The following DNAJA2 variants were observed in gnomAD, a reference collection of about 807,000 sequenced individuals.
The protein encoded by DNAJA2 is dnaJ homolog subfamily A member 2.
A neutral mutation model predicts 49.3 loss-of-function variants in DNAJA2; 6 were observed. That is an observed-to-expected ratio of 0.12 (90% confidence interval 0.07 to 0.24). The LOEUF is 0.24. Ranked by LOEUF, DNAJA2 falls within the 10% of genes least tolerant of loss-of-function variation. DNAJA2 has a pLI of 1.00. For synonymous variants in DNAJA2, 160 were observed against 172.7 expected, an observed-to-expected ratio of 0.93 and a Z score of 0.58; for missense variants, 347 against 516.8, an observed-to-expected ratio of 0.67 and a Z score of 3.19.
At position 46,971,879 on chromosome 16, in the gene DNAJA2, A is replaced by C. The variant is rs2305399; in HGVS notation, c.138+17T>G. ...AAAGCTAAAACCCCCGGAATAAAAA[A>C]GGTGCAAATAACTTACTTTGTCTCC... On this transcript the variant is annotated intron_variant, in intron 2 of 8. Coordinates refer to ENST00000317089, the MANE Select transcript of DNAJA2 (RefSeq NM_005880.4). 703 of 1,601,286 alleles carry C rather than the reference A, an allele frequency of 4.4e-4. 6 individuals carry two copies. The East Asian group carries it at 0.013, about 30-fold the overall frequency.
In DNAJA2 at chr16:46,959,042, C is replaced by G. The variant is rs891852246; in HGVS notation, c.1008G>C (p.Gln336His). 2 of 1,611,204 alleles carry G rather than the reference C, an allele frequency of 1.2e-6. No individual in the cohort carries two copies. The highest frequency in any genetic ancestry group is 2.2e-5 in the South Asian group (2 of 90,482). Residue 336 changes from glutamine (Q) to histidine (H), a missense_variant, in exon 8 of 9, where the codon CAG becomes CAC. Gln to His is a conservative substitution (Grantham distance 24). Coordinates refer to ENST00000317089, the MANE Select transcript of DNAJA2 (RefSeq NM_005880.4). ...GGTTGATCCAGTTGTTTTCAGGAAA[C>G]TGCACATCAAACTTTATGTAAAGAT... ...KGDLYIKFDV[Q>H]FPENNWINPD... is the part of the protein sequence containing the mutation.
In DNAJA2 at chr16:46,959,030, G is replaced by A. The variant is rs148745889; in HGVS notation, c.1020C>T (p.Asn340=). 23 of 1,607,418 alleles carry A rather than the reference G, an allele frequency of 1.4e-5. No homozygotes were observed. The highest frequency in any genetic ancestry group is 1.1e-4 in the African/African-American group (8 of 74,496). The change falls in exon 8 of 9, where the codon AAC becomes AAT. Residue 340 remains asparagine (N), a synonymous_variant. Coordinates refer to ENST00000317089, the MANE Select transcript of DNAJA2 (RefSeq NM_005880.4). ...AAAGCTTGTCTGGGTTGATCCAGTT[G>A]TTTTCAGGAAACTGCACATCAAACT... is the stretch of plus-strand genomic sequence containing the variant. ...YIKFDVQFPE[N]NWINPDKLSE... is the part of the protein sequence containing the mutation.
At chr16:46,961,897 G>T (rs1454856843) in intron 6 of DNAJA2, among the ~76,000 whole-genome samples, 1 of 151,820 alleles carries the variant, frequency 6.6e-6, no homozygotes, top group Non-Finnish European at 1.5e-5. Flanking sequence ...AGGTTCTGTG[G>T]TTTGATGCTG....
chr16:46,957,616 T>G (rs1961834373), intron 8 of DNAJA2, among the ~76,000 whole-genome samples: 1 of 150,468 alleles, frequency 6.6e-6, no homozygotes, highest in African/African-American at 2.4e-5. Flanking sequence ...AAAAAAAAAG[T>G]TAAAAAAAGG....
At position 46,968,250 on chromosome 16, in the gene DNAJA2, G is replaced by A. The variant is rs1465191832; in HGVS notation, c.363-86C>T. On this transcript the variant is annotated intron_variant, in intron 3 of 8. Transcript: ENST00000317089. ...AAGTAACAGCTGATACAGCAAATTC[G>A]TTATCAACTTTTAAAACAGAATTCA... 8 of 837,604 alleles carry A rather than the reference G, an allele frequency of 9.6e-6. 1 individual carries two copies. The highest frequency in any genetic ancestry group is 1.7e-5 in the South Asian group (1 of 57,170). The allele number at this position is 837,604 out of a possible 1,614,324, so 51.9% of individuals were successfully genotyped here. A position where few individuals can be genotyped will look rare whatever the true frequency, so the allele number is the denominator to read the frequency against.
In DNAJA2 at chr16:46,959,264, T is replaced by C. The variant is rs1961861513; in HGVS notation, c.919+11A>G. 1 of 1,599,830 alleles carries C rather than the reference T, an allele frequency of 6.3e-7. No individual in the cohort carries two copies. Among genetic ancestry groups the C allele is most frequent in the Admixed American group, 1.8e-5 (1 of 55,898 alleles). On this transcript the variant is annotated intron_variant, in intron 7 of 8. Transcript: ENST00000317089. ...ACTTGAAAACCAGAATCGGACAAAA[T>C]CAAGATTTACCTGGTTCAATTACTT... is the stretch of plus-strand genomic sequence containing the variant.
intron 8 of DNAJA2, 30 bp from the exon 9 acceptor site, chr16:46,957,250 G>C: frequency 6.5e-7 from 1 of 1,541,868 alleles, no homozygotes; most frequent in Non-Finnish European, 8.7e-7. Context: ...AACCAGGTTG[G>C]TTGTAATATT....
intron 6 of DNAJA2, among the ~76,000 whole-genome samples, chr16:46,961,495 C>T (rs1028248082): frequency 2.0e-5 from 3 of 151,514 alleles, no homozygotes. Flanking sequence ...TTGAGACCAG[C>T]CTGGGCAACA....
At chr16:46,971,806 ATTT>A (rs1042028563) in intron 2 of DNAJA2, 87 bp downstream of exon 2, 2 of 1,231,630 alleles carry the variant, frequency 1.6e-6, no homozygotes, top group African/African-American at 1.5e-5. Flanking sequence ...GCATAGTTGG[ATTT>A]TTTTCCTGCA....
rs1404422122 is a variant in DNAJA2, at chr16:46,956,943, AT to A, written c.*85del. ...AACAGATGTCCCTCAGTTCATCTGG[AT>A]TGATAAGACACTCCAGCTGGATTGC... On this transcript the variant is annotated 3_prime_UTR_variant, in exon 9 of 9. Transcript: ENST00000317089. 2 of 1,459,152 alleles carry A rather than the reference AT, an allele frequency of 1.4e-6. No individual in the cohort carries two copies. Among genetic ancestry groups the A allele is most frequent in the African/African-American group, 2.8e-5 (2 of 71,870 alleles). 90.4% of individuals were successfully genotyped at this position (1,459,152 alleles called of 1,614,324 possible).
chr16:46,959,022 A>G lies in DNAJA2; in HGVS notation c.1028T>C (p.Ile343Thr), dbSNP rs1330588674. ...ACTTACAGAAAGCTTGTCTGGGTTG[A>G]TCCAGTTGTTTTCAGGAAACTGCAC... The part of the protein sequence containing the change: ...FDVQFPENNW[I>T]NPDKLSELED... Residue 343 changes from isoleucine (I) to threonine (T), a missense_variant, in exon 8 of 9, where the codon ATC becomes ACC. Transcript: ENST00000317089. 2 of 1,603,748 alleles carry G rather than the reference A, an allele frequency of 1.2e-6. No homozygotes were observed. The highest frequency in any genetic ancestry group is 1.3e-5 in the African/African-American group (1 of 74,350).
intron 6 of DNAJA2, among the ~76,000 whole-genome samples, chr16:46,960,143 A>G (rs1470507806): frequency 6.6e-6 from 1 of 152,252 alleles, no homozygotes; most frequent in African/African-American, 2.4e-5. Flanking sequence ...GTTCACTTAT[A>G]GAAAATCTGG....
At chr16:46,972,623 G>T (rs182193713) in intron 1 of DNAJA2, 55 of 152,386 alleles carry the variant, frequency 3.6e-4, no homozygotes, top group African/African-American at 1.3e-3. Flanking sequence ...AAGGTAACAG[G>T]AAGTCCACTG....
intron 6 of DNAJA2, among the ~76,000 whole-genome samples, chr16:46,963,567 A>G (rs1270670178): frequency 6.6e-6 from 1 of 151,482 alleles, no homozygotes; most frequent in Non-Finnish European, 1.5e-5. Flanking sequence ...GATGGGCATG[A>G]TGGTGCACCA....
Position 46,971,431 on chromosome 16 carries a change from C to T in DNAJA2, c.280G>A (p.Gly94Arg). The stretch of plus-strand genomic sequence containing the variant: ...TTGCCCATGAAGCCGAACAATCCCC[C>T]ACCAAAAATGTGAGAGAAAATATCA... ...MDDIFSHIFG[G>R]GLFGFMGNQS... The change falls in exon 3 of 9, where the codon GGG becomes AGG. Residue 94 changes from glycine (G) to arginine (R), a missense_variant. Coordinates refer to ENST00000317089, the MANE Select transcript of DNAJA2 (RefSeq NM_005880.4). 6.2e-7 allele frequency: 1 copy of T among 1,614,128 alleles called. No homozygotes were observed. The highest frequency in any genetic ancestry group is 8.5e-7 in the Non-Finnish European group (1 of 1,180,034).
At position 46,967,497 on chromosome 16, in the gene DNAJA2, G is replaced by T. The variant is rs1399669156; in HGVS notation, c.577+16C>A. Reference sequence around the variant, plus strand: ...TCCATTCCAACATAAAAGCAGAGAAGTACTGGCACACATACCTTCTCCATT... The same window carrying T: ...TCCATTCCAACATAAAAGCAGAGAATTACTGGCACACATACCTTCTCCATT... On this transcript the variant is annotated intron_variant, in intron 5 of 8. Coordinates refer to ENST00000317089, the MANE Select transcript of DNAJA2 (RefSeq NM_005880.4). 6.2e-7 allele frequency: 1 copy of T among 1,613,748 alleles called. No individual in the cohort carries two copies. Among genetic ancestry groups the T allele is most frequent in the East Asian group, 2.2e-5 (1 of 44,884 alleles).
rs556663687 is a variant in DNAJA2, at chr16:46,971,205, A to G, written c.362+144T>C. 1.8e-5 allele frequency: 11 copies of G among 620,914 alleles called. No individual in the cohort carries two copies. In the South Asian group the frequency reaches 2.7e-4, roughly 15 times the overall value. The allele number at this position is 620,914 out of a possible 1,614,324, so 38.5% of individuals were successfully genotyped here. On this transcript the variant is annotated intron_variant, in intron 3 of 8. Coordinates refer to ENST00000317089, the MANE Select transcript of DNAJA2 (RefSeq NM_005880.4). ...AGAAACATTCAGATAATCAAATTCA[A>G]TTTAGTCACCAAAAGAAGACAAGGC...
At chr16:46,969,146 G>T (rs2143659158) in intron 3 of DNAJA2, among the ~76,000 whole-genome samples, 1 of 152,280 alleles carries the variant, frequency 6.6e-6, no homozygotes, top group Admixed American at 6.5e-5. Flanking sequence ...ATCCCGTAAT[G>T]ATCTGCTTTA....
intron 1 of DNAJA2, 74 bp from the exon 2 acceptor site, chr16:46,972,029 A>G: frequency 1.9e-6 from 2 of 1,035,222 alleles, no homozygotes; most frequent in Non-Finnish European, 3.0e-6. Context: ...CTTAATATCC[A>G]CTTTTCTGAG....
Sources: allele counts gnomAD v4.1 joint callset (sites outside exome capture counted in the v4.1 genomes callset), GRCh38; gene constraint gnomAD v4.1.1; transcripts MANE v1.5; gene names NCBI Gene and HGNC (gene_info 2026-07-23, HGNC 2026-07-21).